Variants in ATP6V0D2 observed in about 807,000 individuals in gnomAD.
ATP6V0D2 encodes ATPase H+ transporting V0 subunit d2, also known as V-type proton ATPase subunit d 2.
A neutral mutation model predicts 40.0 loss-of-function variants in ATP6V0D2; 40 were observed. The ratio of observed to expected loss-of-function variants is 1.00; its 90% CI spans 0.78 to 1.30. ATP6V0D2 has a LOEUF of 1.30. Among genes scored for constraint, ATP6V0D2 ranks in the 50% most tolerant of loss-of-function variants. The pLI is 0.00. For synonymous variants in ATP6V0D2, 179 were observed against 156.3 expected, an observed-to-expected ratio of 1.15 and a Z score of -1.08; for missense variants, 470 against 423.1, an observed-to-expected ratio of 1.11 and a Z score of -0.97.
chr8:86,114,605 G>C (rs1227203313), intron 2 of ATP6V0D2, among the ~76,000 whole-genome samples: 1 of 152,216 alleles, frequency 6.6e-6, no homozygotes, highest in Non-Finnish European at 1.5e-5. Context: ...GGGAGGCGGA[G>C]GTTGCAGTGA....
chr8:86,119,321 C>G (rs1261282033), intron 2 of ATP6V0D2, among the ~76,000 whole-genome samples: 2 of 151,698 alleles, frequency 1.3e-5, no homozygotes, highest in African/African-American at 2.4e-5. Context: ...CTCCACCCCC[C>G]AGGTTCAAGT....
In ATP6V0D2 at chr8:86,153,362, A is replaced by G. The variant is rs933379113; in HGVS notation, c.*385A>G. ...TGTCTCCTTTACTTTTTCTCTTTTAAATTTTTTTCTAGACAGGGTCTCACT... is the reference window on the plus strand; with the variant it reads ...TGTCTCCTTTACTTTTTCTCTTTTAGATTTTTTTCTAGACAGGGTCTCACT... On this transcript the variant is annotated 3_prime_UTR_variant, in exon 8 of 8. Coordinates refer to ENST00000285393, the MANE Select transcript of ATP6V0D2 (RefSeq NM_152565.1). 2 of 156,212 alleles carry G rather than the reference A, an allele frequency of 1.3e-5. No individual in the cohort carries two copies. Among genetic ancestry groups the G allele is most frequent in the African/African-American group, 4.8e-5 (2 of 41,376 alleles). 9.7% of individuals were successfully genotyped at this position (156,212 alleles called of 1,614,324 possible).
At chr8:86,144,088 G>T (rs904942673) in intron 5 of ATP6V0D2, among the ~76,000 whole-genome samples, 1 of 152,096 alleles carries the variant, frequency 6.6e-6, no homozygotes. Flanking sequence ...CACCACCATT[G>T]GTATCTACCT....
At chr8:86,105,849 C>T (rs564327465) in intron 1 of ATP6V0D2, among the ~76,000 whole-genome samples, 10 of 151,696 alleles carry the variant, frequency 6.6e-5, no homozygotes, top group African/African-American at 1.5e-4. Context: ...CTCCTGACCT[C>T]GTGATCTGCC....
At chr8:86,104,621 G>T (rs576065625) in intron 1 of ATP6V0D2, among the ~76,000 whole-genome samples, 1 of 152,114 alleles carries the variant, frequency 6.6e-6, no homozygotes. Context: ...AGCTAGGAAC[G>T]AGTGGCAGGG....
At chr8:86,152,273 A>G (rs1031882770) in intron 7 of ATP6V0D2, among the ~76,000 whole-genome samples, 1 of 152,156 alleles carries the variant, frequency 6.6e-6, no homozygotes, top group Non-Finnish European at 1.5e-5. Context: ...TTATGGCTGC[A>G]TAGTATTCCA....
chr8:86,099,860 C>A (rs985135807), intron 1 of ATP6V0D2, among the ~76,000 whole-genome samples: 2 of 152,082 alleles, frequency 1.3e-5, no homozygotes, highest in African/African-American at 4.8e-5. Flanking sequence ...CTTTATAATC[C>A]TGTGTATTTT....
Position 86,152,798 on chromosome 8 carries a change from C to T in ATP6V0D2, c.892-18C>T. On this transcript the variant is annotated intron_variant, in intron 7 of 7. Transcript: ENST00000285393. The stretch of plus-strand genomic sequence containing the variant: ...CCAAATAAGTTGATGATCTGTGTTA[C>T]TTTTTTTCTTTCCTCAGGTACAAAT... 1 of 1,581,654 alleles carries T rather than the reference C, an allele frequency of 6.3e-7. No individual in the cohort carries two copies. Among genetic ancestry groups the T allele is most frequent in the Non-Finnish European group, 8.6e-7 (1 of 1,168,434 alleles).
chr8:86,107,966 C>T (rs75716593), intron 1 of ATP6V0D2, among the ~76,000 whole-genome samples: 1 of 152,036 alleles, frequency 6.6e-6, no homozygotes, highest in African/African-American at 2.4e-5. Flanking sequence ...GAGTAATTAC[C>T]AGATTTGATG....
chr8:86,144,801 G>C (rs989214498), intron 5 of ATP6V0D2, among the ~76,000 whole-genome samples: 2 of 151,852 alleles, frequency 1.3e-5, no homozygotes, highest in Non-Finnish European at 2.9e-5. Context: ...TGAGTAGCTG[G>C]AACCACATGC....
intron 5 of ATP6V0D2, among the ~76,000 whole-genome samples, chr8:86,145,365 G>A (rs796065465): frequency 0.082 from 5,884 of 71,998 alleles, 555 homozygotes; most frequent in African/African-American, 0.22. Context: ...AAGGAAGGAA[G>A]GAAGGAAGGA....
chr8:86,149,504 A>G (rs1411705652), intron 5 of ATP6V0D2, among the ~76,000 whole-genome samples: 2 of 152,172 alleles, frequency 1.3e-5, no homozygotes, highest in African/African-American at 2.4e-5. Context: ...CTTGCGAGAA[A>G]GATGATTTGC....
chr8:86,145,073 G>A (rs1189536354), intron 5 of ATP6V0D2, among the ~76,000 whole-genome samples: 1 of 151,212 alleles, frequency 6.6e-6, no homozygotes, highest in Non-Finnish European at 1.5e-5. Context: ...TGAGGCACAG[G>A]AGGTGTGAAG....
At position 86,141,436 on chromosome 8, in the gene ATP6V0D2, A is replaced by G; in HGVS notation, c.482-14A>G. On this transcript the variant is annotated splice_polypyrimidine_tract_variant and intron_variant, in intron 3 of 7. Transcript: ENST00000285393. ...TTAAGATTCATTTTTTGGTATGGCAATTTCTGCTTTCAGCTCCATTCTTCC... is the reference window on the plus strand; with the variant it reads ...TTAAGATTCATTTTTTGGTATGGCAGTTTCTGCTTTCAGCTCCATTCTTCC... The G allele has an allele frequency of 6.2e-7, 1 of 1,604,938 alleles. No individual in the cohort carries two copies. Among genetic ancestry groups the G allele is most frequent in the Non-Finnish European group, 8.5e-7 (1 of 1,175,318 alleles).
chr8:86,151,751 C>CT (rs1563568384), intron 7 of ATP6V0D2, among the ~76,000 whole-genome samples: 1 of 89,042 alleles, frequency 1.1e-5, no homozygotes, highest in African/African-American at 4.4e-5. Context: ...TGTAGCTTTT[C>CT]TTTCTTTTTT....
At chr8:86,139,357 T>C (rs988159505) in intron 2 of ATP6V0D2, 100 bp from the exon 3 acceptor site, 11 of 964,584 alleles carry the variant, frequency 1.1e-5, no homozygotes, top group Middle Eastern at 2.9e-4. Context: ...ATTTTCTGAA[T>C]GAAACAGTGT....
intron 4 of ATP6V0D2, among the ~76,000 whole-genome samples, chr8:86,142,354 A>C (rs1818986273): frequency 6.6e-6 from 1 of 152,170 alleles, no homozygotes; most frequent in Non-Finnish European, 1.5e-5. Flanking sequence ...TCCATTCCTC[A>C]GAGGTGAAAA....
chr8:86,113,746 CTT>C lies in ATP6V0D2; in HGVS notation c.172_173del (p.Leu58GlyfsTer2). On this transcript the variant is annotated frameshift_variant, in exon 2 of 8. Transcript: ENST00000285393. LOFTEE classifies it high-confidence loss of function. ...ATCTCCAGACTACTGATTATGGTAA[CTT>C]TTTGGCTAATCACACAAATCCTCTT... ...IHLQTTDYGNFLANHTNPLTV... is the reference protein window; with the variant it reads ...IHLQTTDYGNXLANHTNPLTV... 6.2e-7 allele frequency: 1 copy of C among 1,612,952 alleles called. No homozygotes were observed. Among genetic ancestry groups the C allele is most frequent in the Middle Eastern group, 1.7e-4 (1 of 6,054 alleles).
At position 86,139,594 on chromosome 8, in the gene ATP6V0D2, C is replaced by T. The variant is rs778992470; in HGVS notation, c.440C>T (p.Pro147Leu). 27 of 1,612,504 alleles carry T rather than the reference C, an allele frequency of 1.7e-5. No individual in the cohort carries two copies. The East Asian group carries it at 3.6e-4, about 21-fold the overall frequency. Residue 147 changes from proline to leucine, a missense_variant, in exon 3 of 8, where the codon CCT (proline) becomes CTT (leucine). Coordinates refer to ENST00000285393, the MANE Select transcript of ATP6V0D2 (RefSeq NM_152565.1). The part of the protein sequence containing the change: ...EMEAVNIAET[P>L]SDLFNAILIE... ...GAAGCTGTCAACATTGCAGAGACAC[C>T]TTCAGATCTCTTTAATGCCATTCTG...
Sources: allele counts gnomAD v4.1 joint callset (sites outside exome capture counted in the v4.1 genomes callset), GRCh38; gene constraint gnomAD v4.1.1; transcripts MANE v1.5; gene names NCBI Gene and HGNC (gene_info 2026-07-23, HGNC 2026-07-21).